RNF13: variants seen among roughly 807,000 people sequenced by gnomAD.
RNF13 encodes ring finger protein 13, also known as E3 ubiquitin-protein ligase RNF13.
RNF13 carries 19 observed loss-of-function variants against 37.7 expected under a neutral mutation model. That is an observed-to-expected ratio of 0.50 (90% CI 0.35 to 0.74). The LOEUF (loss-of-function observed/expected upper bound fraction) is 0.74. RNF13 is among the 30% of genes least tolerant of loss of function. RNF13 has a pLI of 0.01. For missense variants in RNF13, 375 were observed against 453.0 expected, an observed-to-expected ratio of 0.83 and a Z score of 1.56; for synonymous variants, 144 against 157.8, an observed-to-expected ratio of 0.91 and a Z score of 0.65.
chr3:149,885,182 A>C (rs1257726522), intron 4 of RNF13, among the ~76,000 whole-genome samples: 1 of 152,150 alleles, frequency 6.6e-6, no homozygotes, highest in Non-Finnish European at 1.5e-5. Context: ...CAGTGCTGCA[A>C]CAAACATGGG....
chr3:149,903,039 A>G (rs974016945), intron 6 of RNF13, among the ~76,000 whole-genome samples: 4 of 152,134 alleles, frequency 2.6e-5, no homozygotes, highest in African/African-American at 7.2e-5. Flanking sequence ...GGGAAAAGAA[A>G]TCCACGAATA....
intron 4 of RNF13, among the ~76,000 whole-genome samples, chr3:149,873,736 A>G (rs898225729): frequency 3.9e-5 from 6 of 151,912 alleles, no homozygotes; most frequent in South Asian, 2.1e-4. Flanking sequence ...TTTTCTTTCT[A>G]CTTCCTCTGT....
intron 8 of RNF13, among the ~76,000 whole-genome samples, chr3:149,951,450 C>G (rs1453457098): frequency 6.6e-6 from 1 of 152,110 alleles, no homozygotes; most frequent in Non-Finnish European, 1.5e-5. Context: ...AGATAAAGAT[C>G]CTAAGGTCTG....
chr3:149,922,374 A>G (rs966009206), intron 8 of RNF13, among the ~76,000 whole-genome samples: 2 of 152,058 alleles, frequency 1.3e-5, no homozygotes, highest in African/African-American at 2.4e-5. Flanking sequence ...ATGAATGAAT[A>G]AATAAATGAA....
chr3:149,873,034 T>C (rs1042551228), intron 4 of RNF13, among the ~76,000 whole-genome samples: 3 of 152,234 alleles, frequency 2.0e-5, no homozygotes, highest in African/African-American at 7.2e-5. Context: ...AAATTAGAGC[T>C]TGAAGTCAAA....
intron 4 of RNF13, among the ~76,000 whole-genome samples, chr3:149,886,494 G>T (rs1714045646): frequency 6.6e-6 from 1 of 152,114 alleles, no homozygotes; most frequent in South Asian, 2.1e-4. Context: ...TAGTTTATTT[G>T]TGGATTCTTT....
intron 3 of RNF13, among the ~76,000 whole-genome samples, chr3:149,867,682 G>C (rs1711521497): frequency 6.6e-6 from 1 of 151,796 alleles, no homozygotes; most frequent in Admixed American, 6.6e-5. Flanking sequence ...ATCTTTATAG[G>C]TGAAGTGGTT....
chr3:149,870,366 C>G (rs1053172616), intron 3 of RNF13, among the ~76,000 whole-genome samples: 1 of 151,472 alleles, frequency 6.6e-6, no homozygotes, highest in African/African-American at 2.4e-5. Flanking sequence ...TTTTACTTCT[C>G]TGTGGCCCTG....
intron 8 of RNF13, among the ~76,000 whole-genome samples, chr3:149,949,318 C>T (rs988468694): frequency 6.6e-6 from 1 of 151,852 alleles, no homozygotes; most frequent in African/African-American, 2.4e-5. Context: ...ACATAGCATT[C>T]TTGATTGGCA....
chr3:149,822,890 C>T (rs1182727169), intron 1 of RNF13, among the ~76,000 whole-genome samples: 1 of 152,010 alleles, frequency 6.6e-6, no homozygotes, highest in African/African-American at 2.4e-5. Flanking sequence ...AGAACAGAAG[C>T]TAATTTGAAT....
intron 4 of RNF13, among the ~76,000 whole-genome samples, chr3:149,876,214 T>TA (rs1712671259): frequency 6.6e-6 from 1 of 152,228 alleles, no homozygotes; most frequent in Non-Finnish European, 1.5e-5. Flanking sequence ...CAAAGGCTGG[T>TA]AAACAGAAAT....
At chr3:149,899,481 TAAA>T (rs200297572) in intron 5 of RNF13, among the ~76,000 whole-genome samples, 1 of 151,116 alleles carries the variant, frequency 6.6e-6, no homozygotes, top group Non-Finnish European at 1.5e-5. Context: ...AATGAATAAA[TAAA>T]AAAAAATAAG....
At chr3:149,852,764 A>G (rs1343932305) in intron 3 of RNF13, among the ~76,000 whole-genome samples, 168 bp downstream of exon 3, 2 of 152,072 alleles carry the variant, frequency 1.3e-5, no homozygotes, top group African/African-American at 4.8e-5. Flanking sequence ...AAAGAAAGTG[A>G]AAATCACCTA....
At chr3:149,949,751 A>T (rs1482205748) in intron 8 of RNF13, among the ~76,000 whole-genome samples, 162 of 94,370 alleles carry the variant, frequency 1.7e-3, no homozygotes, top group African/African-American at 2.3e-3. Flanking sequence ...TCTTCTCTTC[A>T]TTTCTTCTCT....
intron 1 of RNF13, among the ~76,000 whole-genome samples, chr3:149,836,277 A>C (rs1305375573): frequency 6.6e-6 from 1 of 152,204 alleles, no homozygotes; most frequent in Non-Finnish European, 1.5e-5. Flanking sequence ...CCAATTAAAA[A>C]ATGAACATAG....
intron 3 of RNF13, among the ~76,000 whole-genome samples, chr3:149,871,425 C>T (rs944959197): frequency 6.7e-5 from 10 of 149,264 alleles, no homozygotes; most frequent in African/African-American, 2.5e-4. Flanking sequence ...ATGGTTATCT[C>T]GTGGACGTCT....
chr3:149,951,648 G>C (rs1471914160), intron 8 of RNF13, among the ~76,000 whole-genome samples: 1 of 152,148 alleles, frequency 6.6e-6, no homozygotes, highest in Non-Finnish European at 1.5e-5. Flanking sequence ...AATTAAGTTG[G>C]ATTGGGATGG....
At chr3:149,842,016 C>T (rs1247202423) in intron 1 of RNF13, among the ~76,000 whole-genome samples, 2 of 152,192 alleles carry the variant, frequency 1.3e-5, no homozygotes, top group Non-Finnish European at 2.9e-5. Flanking sequence ...TACTTCCCCC[C>T]ACATTCATTT....
intron 8 of RNF13, among the ~76,000 whole-genome samples, chr3:149,945,259 G>C (rs903588280): frequency 1.3e-5 from 2 of 152,094 alleles, no homozygotes; most frequent in African/African-American, 2.4e-5. Flanking sequence ...CTCCAGCTTT[G>C]TTCTTTTGGC....
Sources: gnomAD v4.1 joint callset for allele counts (sites outside exome capture counted in the v4.1 genomes callset) on GRCh38, gnomAD v4.1.1 for gene constraint, MANE v1.5 for transcripts, NCBI Gene and HGNC (gene_info 2026-07-23, HGNC 2026-07-21) for gene names.